The following CBLN2 variants were observed in gnomAD, a reference collection of about 807,000 sequenced individuals.
The protein encoded by CBLN2 is cerebellin 2 precursor, also known as cerebellin-2.
In CBLN2, 7 loss-of-function variants were observed where a neutral mutation model predicts 15.0. The ratio of observed to expected loss-of-function variants is 0.47; its 90% CI spans 0.27 to 0.88. CBLN2 has a LOEUF of 0.88. CBLN2 is among the 40% of genes least tolerant of loss of function. The probability of loss-of-function intolerance (pLI) is 0.14; values close to 1 mark genes in which losing one functional copy is unlikely to be tolerated. For missense variants in CBLN2, 242 were observed against 304.5 expected (o/e 0.79, Z 1.53); for synonymous variants, 149 against 135.2 (o/e 1.10, Z -0.71).
intron 1 of CBLN2, among the ~76,000 whole-genome samples, chr18:72,558,854 GACCA>G (rs1568255003): frequency 6.6e-6 from 1 of 151,978 alleles, no homozygotes; most frequent in East Asian, 1.9e-4. Context: ...GGGAGTTCAA[GACCA>G]ACCTGGCCAA....
chr18:72,538,241 T>G lies in CBLN2; in HGVS notation c.610A>C (p.Arg204=). 5.6e-6 allele frequency: 9 copies of G among 1,614,116 alleles called. No individual in the cohort carries two copies. Among genetic ancestry groups the G allele is most frequent in the Non-Finnish European group, 7.6e-6 (9 of 1,180,014 alleles). ...TTCCAGCCCCCCATGAGGTTGCCTC[T>G]CTCAAGTTTGAGATGCACTTTGTCT... ...REDKVHLKLE[R]GNLMGGWKYS... Residue 204 remains arginine (R), a synonymous_variant, in exon 5 of 5, where the codon AGA becomes CGA. Coordinates refer to ENST00000269503, the MANE Select transcript of CBLN2 (RefSeq NM_182511.4).
At chr18:72,617,148 T>C (rs1433468664) in intron 1 of CBLN2, among the ~76,000 whole-genome samples, 1 of 152,192 alleles carries the variant, frequency 6.6e-6, no homozygotes, top group Non-Finnish European at 1.5e-5. Context: ...ATACATGTTA[T>C]AAATTCAAGC....
At chr18:72,553,161 A>AG in intron 1 of CBLN2, among the ~76,000 whole-genome samples, 1 of 152,310 alleles carries the variant, frequency 6.6e-6, no homozygotes, top group African/African-American at 2.4e-5. Context: ...ACCAGAGGGG[A>AG]GAAACTGTCT....
intron 1 of CBLN2, among the ~76,000 whole-genome samples, chr18:72,583,101 A>G (rs1406545607): frequency 6.6e-6 from 1 of 152,126 alleles, no homozygotes; most frequent in East Asian, 1.9e-4. Flanking sequence ...CCAGGCCTCG[A>G]GGGCAGGGAC....
intron 1 of CBLN2, among the ~76,000 whole-genome samples, chr18:72,562,884 A>T (rs576586591): frequency 6.6e-5 from 10 of 152,366 alleles, no homozygotes; most frequent in Admixed American, 2.0e-4. Flanking sequence ...ACCTGCTGGC[A>T]GTTGCTAGTT....
chr18:72,613,389 C>G (rs1283631272), intron 1 of CBLN2, among the ~76,000 whole-genome samples: 1 of 152,178 alleles, frequency 6.6e-6, no homozygotes, highest in African/African-American at 2.4e-5. Context: ...GCCACTTACT[C>G]TGTCTCAAGA....
chr18:72,570,669 CT>C (rs2069326541), intron 1 of CBLN2, among the ~76,000 whole-genome samples: 1 of 152,082 alleles, frequency 6.6e-6, no homozygotes, highest in South Asian at 2.1e-4. Context: ...CAACACTATC[CT>C]TGCAGGACAT....
intron 1 of CBLN2, among the ~76,000 whole-genome samples, chr18:72,566,821 GTTA>G (rs567953652): frequency 5.3e-5 from 8 of 151,734 alleles, no homozygotes; most frequent in East Asian, 3.9e-4. Context: ...AAATGTTGTT[GTTA>G]TTATTATTAT....
intron 1 of CBLN2, among the ~76,000 whole-genome samples, chr18:72,615,692 G>T (rs542893603): frequency 7.4e-4 from 113 of 152,234 alleles, no homozygotes; most frequent in Non-Finnish European, 1.4e-3. Context: ...TTAAGCATTT[G>T]TTTTGTTTTT....
intron 1 of CBLN2, among the ~76,000 whole-genome samples, chr18:72,585,782 C>A (rs1336545579): frequency 6.6e-6 from 1 of 152,336 alleles, no homozygotes; most frequent in African/African-American, 2.4e-5. Flanking sequence ...CATGCCAAGC[C>A]ACCCTCAGTA....
intron 1 of CBLN2, among the ~76,000 whole-genome samples, chr18:72,636,321 C>T (rs545200832): frequency 3.9e-5 from 6 of 152,226 alleles, no homozygotes; most frequent in African/African-American, 1.2e-4. Flanking sequence ...ACAAGCACAA[C>T]TGATTATTTA....
intron 3 of CBLN2, 109 bp downstream of exon 3, chr18:72,541,695 G>A: frequency 1.3e-6 from 1 of 779,556 alleles, no homozygotes. Context: ...AGAGGGGGAG[G>A]ACAGAGCCTG....
chr18:72,596,410 T>A (rs1225826849), intron 1 of CBLN2, among the ~76,000 whole-genome samples: 7 of 152,292 alleles, frequency 4.6e-5, no homozygotes. Flanking sequence ...TTATTTTTGA[T>A]CAGTTCATCT....
intron 1 of CBLN2, among the ~76,000 whole-genome samples, chr18:72,551,239 T>A (rs1224719143): frequency 4.6e-5 from 7 of 152,256 alleles, no homozygotes; most frequent in African/African-American, 1.4e-4. Context: ...GTAAAATGTT[T>A]ATATATATAC....
intron 1 of CBLN2, among the ~76,000 whole-genome samples, chr18:72,560,593 G>A (rs370224379): frequency 6.6e-6 from 1 of 152,320 alleles, no homozygotes; most frequent in African/African-American, 2.4e-5. Context: ...GGCTGTGACA[G>A]AGACCGCATG....
chr18:72,615,355 C>A (rs1264630285), intron 1 of CBLN2, among the ~76,000 whole-genome samples: 1 of 148,964 alleles, frequency 6.7e-6, no homozygotes, highest in African/African-American at 2.5e-5. Flanking sequence ...TGGCTCACTG[C>A]AACCTCCTCC....
At chr18:72,587,316 A>G (rs2069450391) in intron 1 of CBLN2, among the ~76,000 whole-genome samples, 1 of 152,114 alleles carries the variant, frequency 6.6e-6, no homozygotes, top group Non-Finnish European at 1.5e-5. Context: ...TGCAACTTGA[A>G]ATATAAGTTA....
intron 1 of CBLN2, among the ~76,000 whole-genome samples, chr18:72,601,212 C>A (rs1169503309): frequency 6.6e-6 from 1 of 152,164 alleles, no homozygotes; most frequent in East Asian, 1.9e-4. Flanking sequence ...AACTCAATTT[C>A]TTCCCAAAGT....
chr18:72,571,992 T>G (rs2069335344), intron 1 of CBLN2, among the ~76,000 whole-genome samples: 1 of 152,222 alleles, frequency 6.6e-6, no homozygotes, highest in Non-Finnish European at 1.5e-5. Context: ...ATACAATTTA[T>G]CATACATAAT....
Sources: gnomAD v4.1 joint callset for allele counts (sites outside exome capture counted in the v4.1 genomes callset) on GRCh38, gnomAD v4.1.1 for gene constraint, MANE v1.5 for transcripts, NCBI Gene and HGNC (gene_info 2026-07-23, HGNC 2026-07-21) for gene names.